IKBKE: variants seen among roughly 807,000 people sequenced by gnomAD.
IKBKE encodes the protein inhibitor of nuclear factor kappa-B kinase subunit epsilon.
Under a neutral mutation model 92.1 loss-of-function variants are expected in IKBKE, and 45 were observed. That is an observed-to-expected ratio of 0.49 (90% CI 0.38 to 0.63). The LOEUF (loss-of-function observed/expected upper bound fraction) is 0.63. Ranked by LOEUF, IKBKE falls within the 20% of genes least tolerant of loss-of-function variation. The pLI, the probability that IKBKE is intolerant of heterozygous loss-of-function variation, is 0.00. For missense variants in IKBKE, 700 were observed against 932.8 expected (o/e 0.75, Z 3.25); for synonymous variants, 374 against 380.3 (o/e 0.98, Z 0.19).
rs1665068748 is a variant in IKBKE, at chr1:206,476,452, C to T, written c.540+90C>T. 3 of 1,347,704 alleles carry T rather than the reference C, an allele frequency of 2.2e-6. No homozygotes were observed. The highest frequency in any genetic ancestry group is 3.1e-6 in the Non-Finnish European group (3 of 965,982). The allele number at this position is 1,347,704 out of a possible 1,614,324, so 83.5% of individuals were successfully genotyped here. A position where few individuals can be genotyped will look rare whatever the true frequency, so the allele number is the denominator to read the frequency against. On this transcript the variant is annotated intron_variant, in intron 6 of 21. Coordinates refer to ENST00000581977, the MANE Select transcript of IKBKE (RefSeq NM_014002.4). This position sits in a 1 kb window ranked among gnomAD's most constrained non-coding sequence, Gnocchi z 5.1. ...AGAGCCCCCATGAGGGGGTGTGGCC[C>T]ACCTCCTGCTTCCACAGGAGTTATG...
At position 206,489,910 on chromosome 1, in the gene IKBKE, T is replaced by G. The variant is rs118087698; in HGVS notation, c.1694-909T>G. Among the ~76,000 whole-genome samples, 146 of 152,326 alleles carry G rather than the reference T, an allele frequency of 9.6e-4. 1 individual carries two copies. The East Asian group carries it at 0.016, about 17-fold the overall frequency. Reference sequence around the variant, plus strand: ...ATAAAATTAAAAATGAACCCCTAACTGTTAAAACCCAGCGTGTTGAAAGAT... The same window carrying G: ...ATAAAATTAAAAATGAACCCCTAACGGTTAAAACCCAGCGTGTTGAAAGAT... On this transcript the variant is annotated intron_variant, in intron 16 of 21. Transcript: ENST00000581977.
At chr1:206,489,372 T>C (rs1665826036) in intron 16 of IKBKE, among the ~76,000 whole-genome samples, 1 of 5,158 alleles carries the variant, frequency 1.9e-4, no homozygotes, top group Non-Finnish European at 1.1e-3. Context: ...TGTGTGTGTA[T>C]ATATATATAT....
chr1:206,479,820 C>T (rs781783136), intron 10 of IKBKE, 50 bp from the exon 11 acceptor site: 26 of 1,583,924 alleles, frequency 1.6e-5, no homozygotes, highest in South Asian at 6.7e-5. Context: ...AAAGATAAGC[C>T]GACCCAGCAC....
Position 206,490,867 on chromosome 1 carries a change from C to T in IKBKE, c.1733+9C>T, listed in dbSNP as rs1665913002. On this transcript the variant is annotated intron_variant, in intron 17 of 21. Coordinates refer to ENST00000581977, the MANE Select transcript of IKBKE (RefSeq NM_014002.4). This position sits in a 1 kb window ranked among gnomAD's most constrained non-coding sequence, Gnocchi z 5.2. ...ATTCACAAGCTGGATAAGTGAGTGG[C>T]CTGTCCTCCGGCAGGTGGGTGGGCA... 8 of 1,613,808 alleles carry T rather than the reference C, an allele frequency of 5.0e-6. No individual in the cohort carries two copies. Among genetic ancestry groups the T allele is most frequent in the Non-Finnish European group, 6.8e-6 (8 of 1,179,752 alleles).
chr1:206,494,012 G>T, intron 21 of IKBKE, 21 bp downstream of exon 21: 1 of 1,609,358 alleles, frequency 6.2e-7, no homozygotes, highest in Non-Finnish European at 8.5e-7. Context: ...TTCACCTTGT[G>T]TAGGTCAGGG....
chr1:206,478,079 C>A lies in IKBKE; in HGVS notation c.813-81C>A. Reference sequence around the variant, plus strand: ...TGGTCCTAGCTCTTCAGGATATTCTCTTAGAACGCTCCTATTGCCTGCTTA... The same window carrying A: ...TGGTCCTAGCTCTTCAGGATATTCTATTAGAACGCTCCTATTGCCTGCTTA... On this transcript the variant is annotated intron_variant, in intron 8 of 21. Transcript: ENST00000581977. This position sits in a 1 kb window ranked among gnomAD's most constrained non-coding sequence, Gnocchi z 4.8. The A allele has an allele frequency of 8.9e-7, 1 of 1,119,528 alleles. No individual in the cohort carries two copies. The highest frequency in any genetic ancestry group is 1.3e-6 in the Non-Finnish European group (1 of 771,484). The allele number at this position is 1,119,528 out of a possible 1,614,324, so 69.3% of individuals were successfully genotyped here.
chr1:206,474,501 C>T lies in IKBKE; in HGVS notation c.228+30C>T, dbSNP rs41296008. Reference sequence around the variant, plus strand: ...GTCCGGTGCTTGGTCAGAGAATGGTCTTGTCCTTGACCCTTATGGTCTGGG... The same window carrying T: ...GTCCGGTGCTTGGTCAGAGAATGGTTTTGTCCTTGACCCTTATGGTCTGGG... On this transcript the variant is annotated intron_variant, in intron 4 of 21. Transcript: ENST00000581977. 3,090 of 1,596,106 alleles carry T rather than the reference C, an allele frequency of 1.9e-3. 49 individuals are homozygous for T. In the African/African-American group the frequency reaches 0.031, roughly 16 times the overall value.
Position 206,483,460 on chromosome 1 carries a change from G to A in IKBKE, c.1428-1537G>A, listed in dbSNP as rs564836532. Among the ~76,000 whole-genome samples the A allele has an allele frequency of 5.3e-5, 8 of 152,260 alleles. No individual in the cohort carries two copies. In the East Asian group the frequency reaches 1.2e-3, roughly 22 times the overall value. ...TGACGGACTACCATGTGCCGAACAC[G>A]TTGCTAGGCACGAGACGTACGAGGA... On this transcript the variant is annotated intron_variant, in intron 13 of 21. Transcript: ENST00000581977.
intron 2 of IKBKE, among the ~76,000 whole-genome samples, chr1:206,471,859 G>A (rs1664793497): frequency 1.3e-5 from 2 of 152,250 alleles, no homozygotes; most frequent in Non-Finnish European, 2.9e-5. Flanking sequence ...TCAGAGCGAA[G>A]GAACATAGGA....
chr1:206,478,139 C>A lies in IKBKE; in HGVS notation c.813-21C>A. 1.2e-6 allele frequency: 2 copies of A among 1,610,322 alleles called. No homozygotes were observed. Among genetic ancestry groups the A allele is most frequent in the Non-Finnish European group, 1.7e-6 (2 of 1,178,446 alleles). ...GGTCTGGGCCCCCACCCCTGACAGT[C>A]TCCATGTCCTGGGAGGGCAGGGGGC... is the stretch of plus-strand genomic sequence containing the variant. On this transcript the variant is annotated intron_variant, in intron 8 of 21. Transcript: ENST00000581977. The surrounding 1 kb of genome is among the most constrained non-coding windows in gnomAD (Gnocchi z 4.8).
chr1:206,491,499 C>T lies in IKBKE; in HGVS notation c.1734-149C>T, dbSNP rs1665951287. 6 of 576,544 alleles carry T rather than the reference C, an allele frequency of 1.0e-5. No homozygotes were observed. The South Asian group carries it at 1.1e-4, about 11-fold the overall frequency. The allele number at this position is 576,544 out of a possible 1,614,324, so 35.7% of individuals were successfully genotyped here. On this transcript the variant is annotated intron_variant, in intron 17 of 21. Transcript: ENST00000581977. ...ATCCAAGTGTGTGACCGTCCTTCCT[C>T]CTTTCCCAGAGACATAGCCCTGCTG...
At chr1:206,483,884 T>A (rs578211307) in intron 13 of IKBKE, among the ~76,000 whole-genome samples, 2 of 152,266 alleles carry the variant, frequency 1.3e-5, no homozygotes, top group African/African-American at 4.8e-5. Context: ...AAGTTGTTTG[T>A]CTTGTCCTTC....
At chr1:206,472,278 A>C (rs1664817948) in intron 2 of IKBKE, among the ~76,000 whole-genome samples, 1 of 152,132 alleles carries the variant, frequency 6.6e-6, no homozygotes, top group Non-Finnish European at 1.5e-5. Flanking sequence ...AAGGAAAAAG[A>C]AAGTATTTAA....
intron 21 of IKBKE, 33 bp downstream of exon 21, chr1:206,494,024 C>T (rs782094255): frequency 3.0e-5 from 48 of 1,594,870 alleles, no homozygotes; most frequent in Admixed American, 1.3e-4. Flanking sequence ...AGGTCAGGGC[C>T]GGGTCTTCAA....
Position 206,480,458 on chromosome 1 carries a change from A to G in IKBKE, c.1352A>G (p.Gln451Arg), listed in dbSNP as rs1553386771. The change falls in exon 13 of 22, where the codon CAG becomes CGG. Residue 451 changes from glutamine to arginine, a missense_variant. Gln to Arg is a conservative substitution (Grantham distance 43). Coordinates refer to ENST00000581977, the MANE Select transcript of IKBKE (RefSeq NM_014002.4). ...CTCCCCTTGGACAGGGAGGTGCTCCAGGCCACATGCAGACGGACTCTGGAA... is the reference window on the plus strand; with the variant it reads ...CTCCCCTTGGACAGGGAGGTGCTCCGGGCCACATGCAGACGGACTCTGGAA... Reference protein sequence around the residue: ...RGLHWVMEVLQATCRRTLEVA... With the variant: ...RGLHWVMEVLRATCRRTLEVA... 6.2e-7 allele frequency: 1 copy of G among 1,613,652 alleles called. No homozygotes were observed. The highest frequency in any genetic ancestry group is 8.5e-7 in the Non-Finnish European group (1 of 1,179,720).
chr1:206,477,809 C>T lies in IKBKE; in HGVS notation c.762C>T (p.Asn254=), dbSNP rs372224948. The T allele has an allele frequency of 7.9e-5, 124 of 1,561,242 alleles. No homozygotes were observed. Among genetic ancestry groups the T allele is most frequent in the Non-Finnish European group, 9.3e-5 (107 of 1,153,014 alleles). Residue 254 remains asparagine, a synonymous_variant, in exon 8 of 22, where the codon AAC becomes AAT. Transcript: ENST00000581977. ...GAIAGAQRRE[N]GPLEWSYTLP... is the part of the protein sequence containing the mutation. ...TTGCAGGTGCCCAGAGGCGGGAGAA[C>T]GGGCCCCTGGAGTGGAGCTACACCC...
At chr1:206,483,256 G>T (rs1180694822) in intron 13 of IKBKE, among the ~76,000 whole-genome samples, 1 of 152,252 alleles carries the variant, frequency 6.6e-6, no homozygotes, top group African/African-American at 2.4e-5. Flanking sequence ...GAGGCCTGGA[G>T]AGCTAAAGGA....
Position 206,488,379 on chromosome 1 carries a change from G to A in IKBKE, c.1693+389G>A, listed in dbSNP as rs1665775963. ...GAATGTCACTATCCGTTGTGTCCTT[G>A]GGACACTGAGACAGTCAGGTTTTCC... On this transcript the variant is annotated intron_variant, in intron 16 of 21. Coordinates refer to ENST00000581977, the MANE Select transcript of IKBKE (RefSeq NM_014002.4). 2.0e-5 allele frequency among the ~76,000 whole-genome samples: 3 copies of A among 152,194 alleles called. No homozygotes were observed. The South Asian group carries it at 6.2e-4, about 32-fold the overall frequency.
chr1:206,494,413 T>C (rs377747392), intron 21 of IKBKE, among the ~76,000 whole-genome samples: 11 of 152,194 alleles, frequency 7.2e-5, no homozygotes, highest in East Asian at 5.8e-4. Context: ...GGTGTTTCTC[T>C]GGCCTTGTGG....
Sources: gnomAD v4.1 joint callset for allele counts (sites outside exome capture counted in the v4.1 genomes callset) on GRCh38, gnomAD v4.1.1 for gene constraint, Gnocchi (gnomAD v3.1) non-coding constraint, MANE v1.5 for transcripts, NCBI Gene and HGNC (gene_info 2026-07-23, HGNC 2026-07-21) for gene names.